TENM3: variants seen among roughly 807,000 people sequenced by gnomAD.
The protein encoded by TENM3 is teneurin-3.
In TENM3, 63 loss-of-function variants were observed where a neutral mutation model predicts 255.1. That is an observed-to-expected ratio of 0.25 (90% CI 0.20 to 0.30). The LOEUF is 0.30. Among genes scored for constraint, TENM3 ranks in the 10% least tolerant of loss-of-function variants. The pLI is 1.00. For synonymous variants in TENM3, 1,306 were observed against 1,322.3 expected (o/e 0.99, Z 0.27); for missense variants, 2,929 against 3,461.1 (o/e 0.85, Z 3.86).
the TENM3 span, among the ~76,000 whole-genome samples, chr4:181,767,048 C>T: frequency 1.3e-4 from 18 of 142,380 alleles, 1 homozygote; most frequent in Middle Eastern, 3.5e-3. Context: ...GTCAGGAGAT[C>T]AAGACCATTC....
intron 6 of TENM3, among the ~76,000 whole-genome samples, chr4:182,664,474 T>C (rs1171703931): frequency 1.3e-5 from 2 of 152,134 alleles, no homozygotes; most frequent in Admixed American, 6.5e-5. Flanking sequence ...ATTAGGCCAA[T>C]CAATAACCCT....
the TENM3 span, among the ~76,000 whole-genome samples, chr4:181,639,415 C>A: frequency 6.6e-6 from 1 of 152,320 alleles, no homozygotes; most frequent in East Asian, 1.9e-4. Context: ...AGCACTATGT[C>A]ACCATCATCC....
chr4:181,823,808 C>T, the TENM3 span, among the ~76,000 whole-genome samples: 72 of 152,156 alleles, frequency 4.7e-4, 1 homozygote, highest in African/African-American at 1.7e-3. Context: ...TTGTAATCGT[C>T]GCTGCCTTTC....
At chr4:181,769,382 T>A in the TENM3 span, among the ~76,000 whole-genome samples, 1 of 152,200 alleles carries the variant, frequency 6.6e-6, no homozygotes, top group Non-Finnish European at 1.5e-5. Flanking sequence ...TCTGGCTAAA[T>A]CACTTACTAG....
chr4:181,714,670 C>T, the TENM3 span, among the ~76,000 whole-genome samples: 3 of 152,122 alleles, frequency 2.0e-5, no homozygotes, highest in African/African-American at 4.8e-5. Flanking sequence ...CATAGGCCAG[C>T]TCTTTCTGTT....
intron 3 of TENM3, among the ~76,000 whole-genome samples, chr4:182,553,329 A>G (rs1461008877): frequency 1.4e-5 from 2 of 143,330 alleles, no homozygotes; most frequent in African/African-American, 2.6e-5. Context: ...GAATTGAACA[A>G]TGAGAACACA....
rs184103155 is a variant in TENM3 at position 182,443,456 on chromosome 4, C to A, written c.511+96527C>A. On this transcript the variant is annotated intron_variant, in intron 3 of 27. Coordinates refer to ENST00000511685, the MANE Select transcript of TENM3 (RefSeq NM_001080477.4). The stretch of plus-strand genomic sequence containing the variant: ...TCTAACATTGTTGGACACCTGATGG[C>A]TTGACTTGGGTTGGGTCCTCAGCTC... Among the ~76,000 whole-genome samples, 647 of 152,270 alleles carry A rather than the reference C, an allele frequency of 4.2e-3. 2 individuals are homozygous for A. The highest frequency in any genetic ancestry group is 6.4e-3 in the Non-Finnish European group (434 of 68,018).
At chr4:181,823,958 G>T in the TENM3 span, among the ~76,000 whole-genome samples, 19,607 of 151,944 alleles carry the variant, frequency 0.13, 2,424 homozygotes, top group African/African-American at 0.32. Flanking sequence ...TGGCTTTTGT[G>T]TACAGGGAAA....
chr4:182,089,433 C>A, the TENM3 span, among the ~76,000 whole-genome samples: 1 of 152,144 alleles, frequency 6.6e-6, no homozygotes, highest in South Asian at 2.1e-4. Flanking sequence ...CAACCTAAAT[C>A]TTTACAGCTG....
intron 16 of TENM3, among the ~76,000 whole-genome samples, chr4:182,735,513 G>T (rs1761096919): frequency 6.6e-6 from 1 of 152,196 alleles, no homozygotes; most frequent in African/African-American, 2.4e-5. Flanking sequence ...TGGAGGTGGT[G>T]GGGAAAGGGG....
chr4:182,464,059 A>G (rs934319447), intron 3 of TENM3, among the ~76,000 whole-genome samples: 7 of 152,206 alleles, frequency 4.6e-5, no homozygotes, highest in African/African-American at 1.7e-4. Flanking sequence ...AGAAATTGCT[A>G]CACTTTTATA....
chr4:182,587,121 C>T (rs1560965070), intron 3 of TENM3, among the ~76,000 whole-genome samples: 2 of 152,018 alleles, frequency 1.3e-5, no homozygotes, highest in African/African-American at 2.4e-5. Context: ...GACACAGTCT[C>T]ACTCTGTTGC....
chr4:182,449,849 T>G lies in TENM3; in HGVS notation c.511+102920T>G, dbSNP rs78574888. On this transcript the variant is annotated intron_variant, in intron 3 of 27. Coordinates refer to ENST00000511685, the MANE Select transcript of TENM3 (RefSeq NM_001080477.4). The stretch of plus-strand genomic sequence containing the variant: ...TGTGCAAAGATAGTTGGAGATGGTT[T>G]GGAAAAACTTGTGCTGTATCTGTTG... 4.6e-5 allele frequency among the ~76,000 whole-genome samples: 7 copies of G among 152,230 alleles called. No homozygotes were observed. In the East Asian group the frequency reaches 1.3e-3, roughly 29 times the overall value.
the TENM3 span, among the ~76,000 whole-genome samples, chr4:181,991,519 C>T: frequency 6.6e-6 from 1 of 152,080 alleles, no homozygotes; most frequent in South Asian, 2.1e-4. Flanking sequence ...TTGATTTGAA[C>T]CCAAACGCAG....
At chr4:181,782,636 T>C in the TENM3 span, among the ~76,000 whole-genome samples, 7 of 152,206 alleles carry the variant, frequency 4.6e-5, no homozygotes, top group Non-Finnish European at 1.0e-4. Flanking sequence ...TCTTCTCTGA[T>C]CTTAGTTATT....
At chr4:182,559,126 GAT>G (rs1491222967) in intron 3 of TENM3, among the ~76,000 whole-genome samples, 2 of 116,022 alleles carry the variant, frequency 1.7e-5, no homozygotes, top group Admixed American at 1.0e-4. Context: ...TATTCCTCGG[GAT>G]TTTTTTTTTT....
chr4:182,659,828 G>A (rs1409459799), intron 6 of TENM3, among the ~76,000 whole-genome samples: 1 of 152,076 alleles, frequency 6.6e-6, no homozygotes, highest in African/African-American at 2.4e-5. Flanking sequence ...GACTTACAAG[G>A]CTCTCCACAG....
intron 1 of TENM3, among the ~76,000 whole-genome samples, chr4:182,316,100 A>C (rs1280262117): frequency 3.9e-5 from 6 of 152,118 alleles, no homozygotes; most frequent in African/African-American, 1.4e-4. Flanking sequence ...TCTTCTTTGC[A>C]TACCTGGTAA....
At chr4:182,431,865 T>G (rs1771674880) in intron 3 of TENM3, among the ~76,000 whole-genome samples, 1 of 151,530 alleles carries the variant, frequency 6.6e-6, no homozygotes, top group African/African-American at 2.4e-5. Context: ...TCACCTGAGG[T>G]CAGGAGTTTG....
Sources: gnomAD v4.1 joint callset for allele counts (sites outside exome capture counted in the v4.1 genomes callset) on GRCh38, gnomAD v4.1.1 for gene constraint, MANE v1.5 for transcripts, NCBI Gene and HGNC (gene_info 2026-07-23, HGNC 2026-07-21) for gene names.